Variants in FLT1 observed in about 807,000 individuals in gnomAD.
The protein encoded by FLT1 is fms related receptor tyrosine kinase 1.
Under a neutral mutation model 156.3 loss-of-function variants are expected in FLT1, and 49 were observed. The ratio of observed to expected loss-of-function variants is 0.31; its 90% CI spans 0.25 to 0.40. FLT1 has a LOEUF of 0.40. Ranked by LOEUF, FLT1 falls within the 10% of genes least tolerant of loss-of-function variation. FLT1 has a pLI of 1.00. For synonymous variants in FLT1, 594 were observed against 583.8 expected (o/e 1.02, Z -0.25); for missense variants, 1,322 against 1,637.2 (o/e 0.81, Z 3.32).
intron 3 of FLT1, among the ~76,000 whole-genome samples, chr13:28,440,106 C>T (rs1222295618): frequency 6.6e-6 from 1 of 152,174 alleles, no homozygotes; most frequent in Non-Finnish European, 1.5e-5. Flanking sequence ...TTCCTGCACC[C>T]TTCTCCACCC....
At chr13:28,480,897 G>T (rs890541433) in intron 1 of FLT1, among the ~76,000 whole-genome samples, 1 of 152,216 alleles carries the variant, frequency 6.6e-6, no homozygotes, top group East Asian at 1.9e-4. Flanking sequence ...GACGACCGGG[G>T]TGGAGACTCA....
At chr13:28,407,384 T>G (rs1163893635) in intron 10 of FLT1, among the ~76,000 whole-genome samples, 3 of 152,124 alleles carry the variant, frequency 2.0e-5, no homozygotes, top group Non-Finnish European at 4.4e-5. Flanking sequence ...TTTTCTTCTG[T>G]ATTTTATTTA....
intron 14 of FLT1, among the ~76,000 whole-genome samples, chr13:28,373,719 T>G (rs907966285): frequency 6.6e-6 from 1 of 152,188 alleles, no homozygotes; most frequent in Admixed American, 6.5e-5. Context: ...TGATTAGGGA[T>G]TGAGATCCCT....
intron 1 of FLT1, among the ~76,000 whole-genome samples, chr13:28,479,759 T>C (rs905240047): frequency 6.6e-6 from 1 of 152,224 alleles, no homozygotes; most frequent in African/African-American, 2.4e-5. Context: ...CTGGTTTTCA[T>C]TCTCAGGGGA....
intron 17 of FLT1, among the ~76,000 whole-genome samples, chr13:28,334,863 A>G (rs903758510): frequency 3.9e-5 from 6 of 152,110 alleles, no homozygotes; most frequent in Non-Finnish European, 7.4e-5. Flanking sequence ...AGAATGACCC[A>G]GGGAGTCCTT....
At chr13:28,340,089 C>A (rs2138852850) in intron 16 of FLT1, among the ~76,000 whole-genome samples, 1 of 152,230 alleles carries the variant, frequency 6.6e-6, no homozygotes, top group African/African-American at 2.4e-5. Flanking sequence ...GTGGTACACA[C>A]CTGTAGTCCC....
chr13:28,485,335 C>T (rs1040693526), intron 1 of FLT1, among the ~76,000 whole-genome samples: 1 of 152,080 alleles, frequency 6.6e-6, no homozygotes, highest in Non-Finnish European at 1.5e-5. Context: ...GTCAGCTGTC[C>T]TCCCTTGCTG....
chr13:28,388,114 T>C (rs1874479204), intron 13 of FLT1: 1 of 1,057,478 alleles, frequency 9.5e-7, no homozygotes, highest in Non-Finnish European at 1.1e-6. Context: ...CACTAACTTA[T>C]AATGAACAAA....
intron 10 of FLT1, among the ~76,000 whole-genome samples, chr13:28,420,697 T>C (rs1876951746): frequency 6.6e-6 from 1 of 152,210 alleles, no homozygotes; most frequent in South Asian, 2.1e-4. Context: ...ATAAAAATAA[T>C]AGACATTCAT....
At chr13:28,466,788 C>T in intron 3 of FLT1, 115 bp downstream of exon 3, 1 of 768,396 alleles carries the variant, frequency 1.3e-6, no homozygotes. Context: ...GAATCTCTTT[C>T]CTAACCCGTT....
In FLT1 at chr13:28,456,529, G is replaced by A. The variant is rs954383588; in HGVS notation, c.388+10374C>T. On this transcript the variant is annotated intron_variant, in intron 3 of 29. Transcript: ENST00000282397. ...TAAGTGTTTGCCGGCCGGGCACAGT[G>A]GCTCATGCCTGTAATCCCAGCACTT... Among the ~76,000 whole-genome samples the A allele has an allele frequency of 5.3e-5, 8 of 152,098 alleles. No homozygotes were observed. In the East Asian group the frequency reaches 1.5e-3, roughly 29 times the overall value.
chr13:28,387,523 T>C, intron 13 of FLT1: 1 of 1,062,160 alleles, frequency 9.4e-7, no homozygotes, highest in Non-Finnish European at 1.1e-6. Flanking sequence ...CTGCTGGTTA[T>C]CAGTAGCCAA....
chr13:28,386,179 T>C (rs1874349914), intron 13 of FLT1: 1 of 1,054,780 alleles, frequency 9.5e-7, no homozygotes, highest in African/African-American at 1.7e-5. Context: ...GCTACAAAGA[T>C]GATACATTGC....
At chr13:28,306,604 T>C (rs1870759622) in intron 29 of FLT1, 74 bp downstream of exon 29, 1 of 1,057,216 alleles carries the variant, frequency 9.5e-7, no homozygotes, top group African/African-American at 1.6e-5. Context: ...CATCCCTCAT[T>C]ATACCACCTT....
chr13:28,430,493 CAAGGTGAGAAA>C (rs1210465680), intron 7 of FLT1, among the ~76,000 whole-genome samples: 1 of 152,030 alleles, frequency 6.6e-6, no homozygotes, highest in African/African-American at 2.4e-5. Context: ...CCACTATAAG[CAAGGTGAGAAA>C]AAGTTGCTCT....
chr13:28,452,100 CAT>C (rs959164122), intron 3 of FLT1, among the ~76,000 whole-genome samples: 5 of 152,314 alleles, frequency 3.3e-5, no homozygotes, highest in African/African-American at 7.2e-5. Context: ...CCAATCAAAA[CAT>C]GTGTGCCAGC....
intron 1 of FLT1, among the ~76,000 whole-genome samples, chr13:28,475,884 A>T (rs981648175): frequency 6.6e-6 from 1 of 152,182 alleles, no homozygotes; most frequent in African/African-American, 2.4e-5. Flanking sequence ...ATAATGTCCC[A>T]TCTCCTCTCA....
At chr13:28,444,234 G>A (rs751399854) in intron 3 of FLT1, among the ~76,000 whole-genome samples, 3 of 152,148 alleles carry the variant, frequency 2.0e-5, no homozygotes, top group Non-Finnish European at 2.9e-5. Flanking sequence ...TTGAGGTCAG[G>A]AATTCAAGAC....
intron 1 of FLT1, among the ~76,000 whole-genome samples, chr13:28,484,580 GC>G (rs1432650373): frequency 6.6e-6 from 1 of 152,158 alleles, no homozygotes; most frequent in African/African-American, 2.4e-5. Context: ...AACAGTGTCT[GC>G]CACATACAGC....
Sources: allele counts gnomAD v4.1 joint callset (sites outside exome capture counted in the v4.1 genomes callset), GRCh38; gene constraint gnomAD v4.1.1; transcripts MANE v1.5; gene names NCBI Gene and HGNC (gene_info 2026-07-23, HGNC 2026-07-21).